C1QTNF7: variants seen among roughly 807,000 people sequenced by gnomAD.
C1QTNF7 encodes C1q and TNF related 7, also known as complement C1q tumor necrosis factor-related protein 7.
Under a neutral mutation model 19.6 loss-of-function variants are expected in C1QTNF7, and 15 were observed. The observed-to-expected ratio is 0.76, with a 90% CI of 0.51 to 1.18. The LOEUF (loss-of-function observed/expected upper bound fraction) is 1.18, where lower values mean the gene tolerates loss of function less well. Ranked by LOEUF, C1QTNF7 falls within the 50% of genes most tolerant of loss-of-function variation. C1QTNF7 has a pLI of 0.00. For missense variants in C1QTNF7, 324 were observed against 359.7 expected (o/e 0.90, Z 0.80); for synonymous variants, 142 against 137.5 (o/e 1.03, Z -0.23).
At chr4:15,381,416 C>T (rs1294447099) in intron 1 of C1QTNF7, among the ~76,000 whole-genome samples, 5 of 113,988 alleles carry the variant, frequency 4.4e-5, no homozygotes. Context: ...TGTGAGACTC[C>T]ATCTCAAAAA....
intron 1 of C1QTNF7, chr4:15,373,897 G>C (rs1248842566): frequency 6.6e-6 from 1 of 152,210 alleles, no homozygotes; most frequent in Non-Finnish European, 1.5e-5. Context: ...TGTAAATGGG[G>C]CTGTGACGAC....
intron 1 of C1QTNF7, among the ~76,000 whole-genome samples, chr4:15,413,150 C>T (rs1485538592): frequency 6.6e-6 from 1 of 152,220 alleles, no homozygotes; most frequent in East Asian, 1.9e-4. Context: ...CATCAAGCAT[C>T]GAGGATTGAT....
At chr4:15,388,759 TGA>T (rs1305265917) in intron 1 of C1QTNF7, among the ~76,000 whole-genome samples, 1 of 152,184 alleles carries the variant, frequency 6.6e-6, no homozygotes, top group Non-Finnish European at 1.5e-5. Flanking sequence ...CTGAAATCAC[TGA>T]GAGTTATGAC....
At chr4:15,384,010 C>T (rs1290938501) in intron 1 of C1QTNF7, among the ~76,000 whole-genome samples, 1 of 152,232 alleles carries the variant, frequency 6.6e-6, no homozygotes, top group Non-Finnish European at 1.5e-5. Context: ...TGGATCAAAA[C>T]AACCACCCAG....
intron 1 of C1QTNF7, among the ~76,000 whole-genome samples, chr4:15,346,022 T>G (rs1459855911): frequency 2.0e-5 from 3 of 152,228 alleles, no homozygotes; most frequent in African/African-American, 7.2e-5. Flanking sequence ...TTTCTGTTGC[T>G]AAATGCAATC....
intron 1 of C1QTNF7, among the ~76,000 whole-genome samples, chr4:15,371,053 C>G (rs1400328514): frequency 6.6e-6 from 1 of 152,198 alleles, no homozygotes; most frequent in Non-Finnish European, 1.5e-5. Flanking sequence ...TCCTACACAT[C>G]TTCACGCCCT....
intron 1 of C1QTNF7, among the ~76,000 whole-genome samples, chr4:15,361,490 T>A (rs1291371895): frequency 6.6e-6 from 1 of 152,110 alleles, no homozygotes; most frequent in African/African-American, 2.4e-5. Context: ...CAACATTATC[T>A]GGGGGAAGAA....
chr4:15,355,449 G>A (rs924963654), intron 1 of C1QTNF7, among the ~76,000 whole-genome samples: 1 of 152,258 alleles, frequency 6.6e-6, no homozygotes, highest in Middle Eastern at 3.4e-3. Context: ...TTTGCTGCAA[G>A]TCTGCAAACA....
intron 1 of C1QTNF7, among the ~76,000 whole-genome samples, chr4:15,399,570 A>C (rs1354189379): frequency 6.6e-6 from 1 of 152,242 alleles, no homozygotes; most frequent in Non-Finnish European, 1.5e-5. Flanking sequence ...CATGGAATAA[A>C]TGTGATGACC....
At chr4:15,386,641 G>C (rs1470752232) in intron 1 of C1QTNF7, among the ~76,000 whole-genome samples, 2 of 152,208 alleles carry the variant, frequency 1.3e-5, no homozygotes, top group African/African-American at 4.8e-5. Flanking sequence ...AGTGAAATTT[G>C]AGTATAAATC....
At chr4:15,367,514 AGCCGAT>A (rs1196211817) in intron 1 of C1QTNF7, among the ~76,000 whole-genome samples, 4 of 152,204 alleles carry the variant, frequency 2.6e-5, no homozygotes, top group African/African-American at 9.6e-5. Flanking sequence ...GAGTTGATGC[AGCCGAT>A]GCAGCTCACT....
chr4:15,419,105 C>T (rs930123138), intron 1 of C1QTNF7, among the ~76,000 whole-genome samples: 70 of 152,194 alleles, frequency 4.6e-4, no homozygotes, highest in African/African-American at 1.6e-3. Flanking sequence ...AACTTACATT[C>T]CCCAGGATTT....
chr4:15,442,339 G>A lies in C1QTNF7; in HGVS notation c.410G>A (p.Gly137Glu), dbSNP rs1712805228. The A allele has an allele frequency of 3.1e-6, 5 of 1,614,128 alleles. No homozygotes were observed. Among genetic ancestry groups the A allele is most frequent in the Non-Finnish European group, 4.2e-6 (5 of 1,180,034 alleles). The change falls in exon 3 of 3, where the codon GGA becomes GAA. Residue 137 changes from glycine to glutamate, a missense_variant. Transcript: ENST00000444304. ...RGEQGDPGLP[G>E]VCRCGSIVLK... ...GAACAAGGGGACCCGGGGCTGCCTG[G>A]AGTTTGCAGATGTGGAAGCATCGTG... is the stretch of plus-strand genomic sequence containing the variant.
intron 1 of C1QTNF7, among the ~76,000 whole-genome samples, chr4:15,418,656 A>C (rs1412604956): frequency 6.6e-6 from 1 of 152,172 alleles, no homozygotes; most frequent in Non-Finnish European, 1.5e-5. Context: ...TGTAGTGCTT[A>C]TCTCTCTTTA....
At chr4:15,417,986 C>A (rs1711524320) in intron 1 of C1QTNF7, among the ~76,000 whole-genome samples, 1 of 151,944 alleles carries the variant, frequency 6.6e-6, no homozygotes, top group African/African-American at 2.4e-5. Context: ...CAAACACCTC[C>A]TACCAGGCCC....
chr4:15,353,684 A>T (rs1325735183), intron 1 of C1QTNF7, among the ~76,000 whole-genome samples: 1 of 151,860 alleles, frequency 6.6e-6, no homozygotes, highest in Non-Finnish European at 1.5e-5. Flanking sequence ...GGGACAACTA[A>T]CTCATTTGGT....
chr4:15,428,703 A>G (rs1320483343), intron 1 of C1QTNF7, among the ~76,000 whole-genome samples: 2 of 152,284 alleles, frequency 1.3e-5, no homozygotes, highest in East Asian at 3.9e-4. Flanking sequence ...CTGGTGAACA[A>G]CAACATAAAA....
At chr4:15,406,707 T>G (rs997940605) in intron 1 of C1QTNF7, among the ~76,000 whole-genome samples, 4 of 152,240 alleles carry the variant, frequency 2.6e-5, no homozygotes, top group African/African-American at 9.6e-5. Context: ...ATCCATATAC[T>G]GTAATTTAAA....
intron 1 of C1QTNF7, among the ~76,000 whole-genome samples, chr4:15,385,137 C>T (rs983340059): frequency 1.3e-5 from 2 of 152,172 alleles, no homozygotes; most frequent in African/African-American, 4.8e-5. Flanking sequence ...CCCGCAAGAC[C>T]AGCACAGTAA....
Sources: allele counts gnomAD v4.1 joint callset (sites outside exome capture counted in the v4.1 genomes callset), GRCh38; gene constraint gnomAD v4.1.1; transcripts MANE v1.5; gene names NCBI Gene and HGNC (gene_info 2026-07-23, HGNC 2026-07-21).